The following CCSER2 variants were observed in gnomAD, a reference collection of about 807,000 sequenced individuals.
CCSER2 encodes coiled-coil serine rich protein 2, also known as serine-rich coiled-coil domain-containing protein 2.
In CCSER2, 46 loss-of-function variants were observed where a neutral mutation model predicts 92.3. That is an observed-to-expected ratio of 0.50 (90% CI 0.39 to 0.64). The LOEUF (loss-of-function observed/expected upper bound fraction) is 0.64. Among genes scored for constraint, CCSER2 ranks in the 30% least tolerant of loss-of-function variants. CCSER2 has a pLI of 0.00. For missense variants in CCSER2, 1,244 were observed against 1,238.9 expected, an observed-to-expected ratio of 1.00 and a Z score of -0.06; for synonymous variants, 433 against 431.4, an observed-to-expected ratio of 1.00 and a Z score of -0.04.
At chr10:84,367,025 A>G (rs189980602) in intron 1 of CCSER2, among the ~76,000 whole-genome samples, 81 of 152,312 alleles carry the variant, frequency 5.3e-4, no homozygotes, top group African/African-American at 1.9e-3. Context: ...CAGAGGCTCC[A>G]GCATTTCTTT....
In CCSER2 at chr10:84,392,139, A is replaced by G. The variant is rs1841554842; in HGVS notation, c.1614+18324A>G. 4.9e-6 allele frequency: 3 copies of G among 614,262 alleles called. No homozygotes were observed. In the East Asian group the frequency reaches 8.6e-5, roughly 18 times the overall value. The allele number at this position is 614,262 out of a possible 1,614,324, so 38.1% of individuals were successfully genotyped here. On this transcript the variant is annotated intron_variant, in intron 3 of 9. Coordinates refer to ENST00000372088, the MANE Select transcript of CCSER2 (RefSeq NM_001284240.2). ...GCACCCAGGGAAAATACTACCCTTT[A>G]CGGGGGGAAGGGTAAACCGGTAGGG...
intron 5 of CCSER2, among the ~76,000 whole-genome samples, chr10:84,430,362 T>C (rs889356849): frequency 6.6e-6 from 1 of 152,230 alleles, no homozygotes; most frequent in African/African-American, 2.4e-5. Context: ...TCAAAGCCTC[T>C]TGTGGACATT....
At chr10:84,339,746 A>C (rs1844068285) in intron 1 of CCSER2, among the ~76,000 whole-genome samples, 1 of 152,106 alleles carries the variant, frequency 6.6e-6, no homozygotes, top group African/African-American at 2.4e-5. Context: ...AAGTGCTGGG[A>C]TTACAGGCAT....
intron 3 of CCSER2, among the ~76,000 whole-genome samples, chr10:84,378,633 C>T (rs1244382130): frequency 6.6e-6 from 1 of 152,072 alleles, no homozygotes; most frequent in Non-Finnish European, 1.5e-5. Context: ...CAGGGTTTCA[C>T]CATGTTGGCC....
At chr10:84,381,821 G>A (rs1209248689) in intron 3 of CCSER2, among the ~76,000 whole-genome samples, 1 of 151,558 alleles carries the variant, frequency 6.6e-6, no homozygotes, top group Admixed American at 6.6e-5. Flanking sequence ...CCAGCTACTC[G>A]GGAGGCTAGG....
chr10:84,509,281 A>G (rs1259597358), intron 9 of CCSER2, among the ~76,000 whole-genome samples: 1 of 152,220 alleles, frequency 6.6e-6, no homozygotes, highest in Non-Finnish European at 1.5e-5. Flanking sequence ...TAATTCTTGA[A>G]TATACCACTA....
chr10:84,480,190 G>A (rs1371122798), intron 9 of CCSER2, among the ~76,000 whole-genome samples: 1 of 151,950 alleles, frequency 6.6e-6, no homozygotes, highest in Non-Finnish European at 1.5e-5. Flanking sequence ...GACCACAGGT[G>A]TGCACCACCA....
In CCSER2 at chr10:84,372,285, T is replaced by C; in HGVS notation, c.1233T>C (p.Ser411=). ...SLSSSDKNDL[S]EDFSDDFIDI... ...CATCTTCTGATAAGAATGATTTAAG[T>C]GAAGACTTTAGTGATGATTTTATAG... Residue 411 remains serine (S), a synonymous_variant, in exon 2 of 10, where the codon AGT becomes AGC. Transcript: ENST00000372088. The C allele has an allele frequency of 1.2e-6, 2 of 1,613,080 alleles. No individual in the cohort carries two copies. The highest frequency in any genetic ancestry group is 1.7e-6 in the Non-Finnish European group (2 of 1,179,246).
chr10:84,468,273 C>T (rs982118476), intron 7 of CCSER2, among the ~76,000 whole-genome samples: 2 of 152,214 alleles, frequency 1.3e-5, no homozygotes, highest in Admixed American at 6.5e-5. Flanking sequence ...TGGAACTCCA[C>T]TGTAGTCCCT....
chr10:84,357,904 T>A (rs913462299), intron 1 of CCSER2, among the ~76,000 whole-genome samples: 1 of 152,218 alleles, frequency 6.6e-6, no homozygotes, highest in Non-Finnish European at 1.5e-5. Flanking sequence ...CAAATAATGC[T>A]TCTATGGGTG....
chr10:84,436,364 G>A (rs1332764562), intron 5 of CCSER2, among the ~76,000 whole-genome samples: 2 of 125,688 alleles, frequency 1.6e-5, no homozygotes, highest in South Asian at 4.8e-4. Context: ...TGCCGGGCGC[G>A]GTGTCTCAAG....
chr10:84,391,575 A>G, intron 3 of CCSER2: 1 of 1,508,162 alleles, frequency 6.6e-7, no homozygotes, highest in Non-Finnish European at 9.2e-7. Context: ...GCAGTTGGAG[A>G]AATCTCCATT....
At chr10:84,415,553 C>G (rs1321545325) in intron 3 of CCSER2, among the ~76,000 whole-genome samples, 2 of 152,210 alleles carry the variant, frequency 1.3e-5, no homozygotes, top group African/African-American at 4.8e-5. Flanking sequence ...CCAGAGGTTA[C>G]TGACCTGTTG....
At chr10:84,499,899 T>C (rs760616255) in intron 9 of CCSER2, 2 of 1,614,016 alleles carry the variant, frequency 1.2e-6, no homozygotes, top group Admixed American at 3.3e-5. Context: ...TCCCTCCTTC[T>C]CTCCTTGGCA....
intron 7 of CCSER2, among the ~76,000 whole-genome samples, chr10:84,469,395 A>T (rs903873553): frequency 1.3e-5 from 2 of 152,142 alleles, no homozygotes; most frequent in African/African-American, 2.4e-5. Flanking sequence ...ATAGCATTTT[A>T]AAAATCTTCC....
intron 3 of CCSER2, among the ~76,000 whole-genome samples, chr10:84,386,074 AAAAT>A (rs1841187959): frequency 6.7e-6 from 1 of 149,838 alleles, no homozygotes; most frequent in Non-Finnish European, 1.5e-5. Flanking sequence ...AAAAAGTTAA[AAAAT>A]AACATATGTT....
At chr10:84,464,084 C>A in intron 7 of CCSER2, 68 bp downstream of exon 7, 1 of 759,196 alleles carries the variant, frequency 1.3e-6, no homozygotes, top group Non-Finnish European at 2.2e-6. Flanking sequence ...GATACAATGA[C>A]AATGAAAACA....
At chr10:84,470,207 C>T (rs1217236669) in intron 7 of CCSER2, among the ~76,000 whole-genome samples, 165 bp from the exon 8 acceptor site, 2 of 151,814 alleles carry the variant, frequency 1.3e-5, no homozygotes, top group African/African-American at 4.8e-5. Context: ...TCATTGTCAA[C>T]ATGTCACACT....
chr10:84,472,947 G>C (rs559938221), intron 8 of CCSER2: 1 of 152,196 alleles, frequency 6.6e-6, no homozygotes, highest in South Asian at 2.1e-4. Flanking sequence ...AGTCAGTCTA[G>C]GACTATGCAC....
Sources: allele counts gnomAD v4.1 joint callset (sites outside exome capture counted in the v4.1 genomes callset), GRCh38; gene constraint gnomAD v4.1.1; transcripts MANE v1.5; gene names NCBI Gene and HGNC (gene_info 2026-07-23, HGNC 2026-07-21).